The following JAM3 variants were observed in gnomAD, a reference collection of about 807,000 sequenced individuals.
JAM3 encodes the protein junctional adhesion molecule 3, also known as junctional adhesion molecule C.
A neutral mutation model predicts 39.4 loss-of-function variants in JAM3; 31 were observed. The observed-to-expected ratio is 0.79, with a 90% CI of 0.59 to 1.06. The LOEUF (loss-of-function observed/expected upper bound fraction) is 1.06, where lower values mean the gene tolerates loss of function less well. JAM3 is among the 50% of genes least tolerant of loss of function. JAM3 has a pLI of 0.00. For synonymous variants in JAM3, 182 were observed against 148.7 expected, an observed-to-expected ratio of 1.22 and a Z score of -1.63; for missense variants, 455 against 391.4, an observed-to-expected ratio of 1.16 and a Z score of -1.37.
intron 1 of JAM3, among the ~76,000 whole-genome samples, chr11:134,113,753 C>T (rs1187562761): frequency 6.6e-6 from 1 of 152,174 alleles, no homozygotes; most frequent in East Asian, 1.9e-4. Flanking sequence ...TTCTAGATCC[C>T]TGAGGAATCG....
rs555705396 is a variant in JAM3, at chr11:134,080,252, C to A, written c.76+11093C>A. On this transcript the variant is annotated intron_variant, in intron 1 of 8. Coordinates refer to ENST00000299106, the MANE Select transcript of JAM3 (RefSeq NM_032801.5). ...AGCAGTAGCTGAGTAAAGAAAAATT[C>A]TCAATCTTTTATTTGCCAGACACTG... is the stretch of plus-strand genomic sequence containing the variant. Among the ~76,000 whole-genome samples the A allele has an allele frequency of 7.0e-4, 106 of 152,312 alleles. 1 individual carries two copies. The highest frequency in any genetic ancestry group is 1.1e-3 in the Non-Finnish European group (78 of 68,034).
At chr11:134,078,281 G>A (rs1270230767) in intron 1 of JAM3, among the ~76,000 whole-genome samples, 3 of 151,852 alleles carry the variant, frequency 2.0e-5, no homozygotes, top group Non-Finnish European at 4.4e-5. Context: ...CACCACACCC[G>A]GCTAATTTTT....
At chr11:134,144,030 C>G (rs1943023633) in intron 3 of JAM3, among the ~76,000 whole-genome samples, 1 of 152,056 alleles carries the variant, frequency 6.6e-6, no homozygotes, top group Non-Finnish European at 1.5e-5. Flanking sequence ...TCTTGCACAC[C>G]AGGAACTATT....
chr11:134,080,991 C>T (rs1019998619), intron 1 of JAM3, among the ~76,000 whole-genome samples: 1 of 152,154 alleles, frequency 6.6e-6, no homozygotes, highest in Non-Finnish European at 1.5e-5. Flanking sequence ...GTAAAGGTGA[C>T]TCTTGGTATA....
chr11:134,111,603 GCATT>G (rs1441724229), intron 1 of JAM3, among the ~76,000 whole-genome samples: 1 of 152,112 alleles, frequency 6.6e-6, no homozygotes, highest in Non-Finnish European at 1.5e-5. Flanking sequence ...GAGTTTCTCA[GCATT>G]CAGTTTTTGG....
At chr11:134,136,632 C>G (rs1436573034) in intron 1 of JAM3, among the ~76,000 whole-genome samples, 2 of 152,190 alleles carry the variant, frequency 1.3e-5, no homozygotes, top group African/African-American at 4.8e-5. Flanking sequence ...TAAGCTAGAA[C>G]TTTACATGAC....
chr11:134,106,194 A>G (rs1461118917), intron 1 of JAM3, among the ~76,000 whole-genome samples: 1 of 152,158 alleles, frequency 6.6e-6, no homozygotes, highest in Non-Finnish European at 1.5e-5. Flanking sequence ...ATAATACCAC[A>G]CATCTACAAC....
intron 1 of JAM3, among the ~76,000 whole-genome samples, chr11:134,136,777 A>G (rs1437862192): frequency 1.3e-5 from 2 of 152,222 alleles, no homozygotes; most frequent in African/African-American, 2.4e-5. Context: ...AAACTTACCT[A>G]GGATAGTTGA....
At chr11:134,124,181 C>G (rs917760902) in intron 1 of JAM3, 3 of 1,460,854 alleles carry the variant, frequency 2.1e-6, no homozygotes, top group East Asian at 4.5e-5. Flanking sequence ...CTTTATCATA[C>G]GTAGCATCAC....
intron 1 of JAM3, among the ~76,000 whole-genome samples, chr11:134,118,329 G>C (rs1942474888): frequency 6.6e-6 from 1 of 152,096 alleles, no homozygotes; most frequent in South Asian, 2.1e-4. Context: ...ACAGTGCCAG[G>C]CTCATGCAAA....
intron 1 of JAM3, among the ~76,000 whole-genome samples, chr11:134,107,484 AT>A (rs1331278454): frequency 2.6e-5 from 4 of 152,108 alleles, no homozygotes; most frequent in South Asian, 4.1e-4. Flanking sequence ...AGTATAAAAA[AT>A]ATATATAAAT....
chr11:134,098,213 C>T (rs1003817090), intron 1 of JAM3, among the ~76,000 whole-genome samples: 3 of 152,124 alleles, frequency 2.0e-5, no homozygotes, highest in Admixed American at 6.6e-5. Context: ...ATATAGCTCA[C>T]CTATATCCAG....
intron 1 of JAM3, among the ~76,000 whole-genome samples, chr11:134,125,964 C>G (rs1942641074): frequency 6.6e-6 from 1 of 152,202 alleles, no homozygotes; most frequent in Non-Finnish European, 1.5e-5. Flanking sequence ...CACACTTGCT[C>G]TATGTCAAAA....
chr11:134,113,231 T>C (rs914418573), intron 1 of JAM3, among the ~76,000 whole-genome samples: 7 of 151,236 alleles, frequency 4.6e-5, no homozygotes, highest in African/African-American at 1.7e-4. Flanking sequence ...TAAGGGTACA[T>C]GTGCACAACG....
intron 1 of JAM3, among the ~76,000 whole-genome samples, chr11:134,084,657 A>G (rs1440605556): frequency 2.0e-5 from 3 of 152,090 alleles, no homozygotes; most frequent in African/African-American, 7.2e-5. Flanking sequence ...CATTACTACT[A>G]TGTTGCAGTT....
At chr11:134,121,813 ATG>A (rs796907784) in intron 1 of JAM3, among the ~76,000 whole-genome samples, 5 of 131,190 alleles carry the variant, frequency 3.8e-5, no homozygotes, top group Admixed American at 3.8e-4. Context: ...CACTGCGTGC[ATG>A]TGTGCGCACA....
At chr11:134,123,970 C>T (rs1365913216) in intron 1 of JAM3, 3 of 1,512,390 alleles carry the variant, frequency 2.0e-6, no homozygotes, top group South Asian at 2.2e-5. Context: ...TACTTCATTC[C>T]ATATTCAATC....
chr11:134,124,787 T>C (rs1189536378), intron 1 of JAM3, among the ~76,000 whole-genome samples: 1 of 152,216 alleles, frequency 6.6e-6, no homozygotes, highest in African/African-American at 2.4e-5. Context: ...GTGTTAATTA[T>C]GGCACATAGA....
intron 1 of JAM3, among the ~76,000 whole-genome samples, chr11:134,105,377 A>G (rs886352998): frequency 1.3e-5 from 2 of 152,232 alleles, no homozygotes; most frequent in Non-Finnish European, 2.9e-5. Context: ...GTTATTTATG[A>G]CAAACCCACA....
Sources: gnomAD v4.1 joint callset for allele counts (sites outside exome capture counted in the v4.1 genomes callset) on GRCh38, gnomAD v4.1.1 for gene constraint, MANE v1.5 for transcripts, NCBI Gene and HGNC (gene_info 2026-07-23, HGNC 2026-07-21) for gene names.